Variants in PUS10 observed in about 807,000 individuals in gnomAD.
PUS10 encodes pseudouridine synthase 10, also known as tRNA pseudouridine synthase Pus10.
A neutral mutation model predicts 75.0 loss-of-function variants in PUS10; 59 were observed. The observed-to-expected ratio is 0.79, with a 90% CI of 0.64 to 0.98. The LOEUF (loss-of-function observed/expected upper bound fraction) is 0.98. Among genes scored for constraint, PUS10 ranks in the 50% least tolerant of loss-of-function variants. The pLI, the probability that PUS10 is intolerant of heterozygous loss-of-function variation, is 0.00. For missense variants in PUS10, 650 were observed against 614.4 expected, an observed-to-expected ratio of 1.06 and a Z score of -0.61; for synonymous variants, 219 against 211.6, an observed-to-expected ratio of 1.03 and a Z score of -0.30.
chr2:60,954,209 A>G, intron 12 of PUS10, 51 bp from the exon 13 acceptor site: 1 of 1,575,622 alleles, frequency 6.3e-7, no homozygotes, highest in South Asian at 1.1e-5. Flanking sequence ...TGGAGTTAAC[A>G]TTTGGGCTAA....
At chr2:60,974,771 G>C (rs1021252402) in intron 4 of PUS10, among the ~76,000 whole-genome samples, 3 of 152,258 alleles carry the variant, frequency 2.0e-5, no homozygotes, top group Non-Finnish European at 4.4e-5. Context: ...ACTGCAGCCA[G>C]CGTGCCTGCT....
At chr2:60,970,607 A>C (rs1235664721) in intron 5 of PUS10, among the ~76,000 whole-genome samples, 1 of 152,208 alleles carries the variant, frequency 6.6e-6, no homozygotes, top group Non-Finnish European at 1.5e-5. Flanking sequence ...GTTTTGTTGC[A>C]GAAATATTAA....
At chr2:61,001,370 G>A (rs10194826) in intron 4 of PUS10, among the ~76,000 whole-genome samples, 35,701 of 151,540 alleles carry the variant, frequency 0.24, 4,455 homozygotes, top group Middle Eastern at 0.37. Context: ...TCCCCCTCCC[G>A]GGTTCAAATG....
intron 4 of PUS10, among the ~76,000 whole-genome samples, chr2:60,977,750 G>C (rs1677123209): frequency 6.6e-6 from 1 of 152,096 alleles, no homozygotes; most frequent in Non-Finnish European, 1.5e-5. Flanking sequence ...ATTCCTGATG[G>C]AGGGAAACAA....
At chr2:60,969,946 C>G (rs1676559855) in intron 5 of PUS10, among the ~76,000 whole-genome samples, 1 of 151,970 alleles carries the variant, frequency 6.6e-6, no homozygotes, top group Non-Finnish European at 1.5e-5. Context: ...AAAAAATTAA[C>G]CAGGCATGGT....
intron 11 of PUS10, among the ~76,000 whole-genome samples, chr2:60,956,411 G>C (rs917539966): frequency 6.6e-6 from 1 of 152,176 alleles, no homozygotes; most frequent in East Asian, 1.9e-4. Flanking sequence ...CTGTCTCCCG[G>C]TCAGCCCCGT....
At chr2:60,966,511 CTT>C (rs1256173363) in intron 6 of PUS10, 1 of 152,148 alleles carries the variant, frequency 6.6e-6, no homozygotes, top group African/African-American at 2.4e-5. Context: ...TTCAGGGAAA[CTT>C]CACTCAACCC....
intron 4 of PUS10, among the ~76,000 whole-genome samples, chr2:61,002,898 G>A (rs894531496): frequency 2.0e-5 from 3 of 151,978 alleles, no homozygotes; most frequent in East Asian, 1.9e-4. Context: ...CCTGAATACC[G>A]CCTTTATTTA....
At chr2:61,016,096 T>G (rs1441203877) in intron 1 of PUS10, among the ~76,000 whole-genome samples, 11 of 152,200 alleles carry the variant, frequency 7.2e-5, no homozygotes, top group Admixed American at 7.2e-4. Flanking sequence ...TAGAAGACAA[T>G]GTTTATTTTT....
intron 1 of PUS10, among the ~76,000 whole-genome samples, chr2:61,014,808 T>G (rs549910247): frequency 6.6e-6 from 1 of 152,216 alleles, no homozygotes; most frequent in Non-Finnish European, 1.5e-5. Context: ...AACAGCTTAG[T>G]ATAAAGACGT....
At chr2:61,017,296 GC>G (rs34714370) in intron 1 of PUS10, 4 of 153,868 alleles carry the variant, frequency 2.6e-5, no homozygotes, top group Non-Finnish European at 4.3e-5. Context: ...AAAAGTACCA[GC>G]CCGCTCTCGC....
At chr2:61,014,174 G>C (rs1283933046) in intron 1 of PUS10, among the ~76,000 whole-genome samples, 3 of 152,104 alleles carry the variant, frequency 2.0e-5, no homozygotes, top group East Asian at 1.9e-4. Flanking sequence ...AGGAGTTTGA[G>C]ACCAGCCTGG....
chr2:60,955,244 C>T (rs1218423548), intron 11 of PUS10, among the ~76,000 whole-genome samples, 170 bp from the exon 12 acceptor site: 1 of 152,084 alleles, frequency 6.6e-6, no homozygotes, highest in Admixed American at 6.5e-5. Flanking sequence ...AATAGTAATG[C>T]TAATAGTAAA....
chr2:60,992,774 C>T (rs1195994274), intron 4 of PUS10, among the ~76,000 whole-genome samples: 1 of 152,116 alleles, frequency 6.6e-6, no homozygotes, highest in Non-Finnish European at 1.5e-5. Flanking sequence ...GTTCCCCTCA[C>T]ATTATCTTTA....
Position 61,018,063 on chromosome 2 carries a change from A to G in PUS10, c.-71T>C, listed in dbSNP as rs57007118. The G allele has an allele frequency of 0.012, 18,522 of 1,497,710 alleles. 2,042 individuals carry two copies. The African/African-American group carries it at 0.23, about 19-fold the overall frequency. 92.8% of individuals were successfully genotyped at this position (1,497,710 alleles called of 1,614,324 possible). Reference sequence around the variant, plus strand: ...TCTGACCCGGCAGCTCTAATCAGCAACGTTTTTTTCGGGAGCTCCTGGGCG... The same window carrying G: ...TCTGACCCGGCAGCTCTAATCAGCAGCGTTTTTTTCGGGAGCTCCTGGGCG... On this transcript the variant is annotated 5_prime_UTR_variant, in exon 1 of 18. Transcript: ENST00000316752.
At chr2:60,966,488 C>T (rs537682982) in intron 6 of PUS10, 7 of 152,030 alleles carry the variant, frequency 4.6e-5, no homozygotes, top group Non-Finnish European at 8.8e-5. Flanking sequence ...AAATGAACAA[C>T]GCATTCCTTT....
intron 4 of PUS10, among the ~76,000 whole-genome samples, chr2:60,990,482 T>G (rs560508860): frequency 8.5e-5 from 13 of 152,282 alleles, no homozygotes; most frequent in African/African-American, 2.9e-4. Flanking sequence ...CCCTATGTTT[T>G]GGCTGAAACC....
intron 4 of PUS10, among the ~76,000 whole-genome samples, chr2:60,977,936 G>A (rs1677137764): frequency 6.6e-6 from 1 of 152,166 alleles, no homozygotes; most frequent in Non-Finnish European, 1.5e-5. Flanking sequence ...CTGCCCATGA[G>A]CAAACCCATG....
Position 60,953,121 on chromosome 2 carries a change from A to C in PUS10, c.1191-7T>G, listed in dbSNP as rs772830505. The C allele has an allele frequency of 4.8e-6, 7 of 1,461,664 alleles. No individual in the cohort carries two copies. In the African/African-American group the frequency reaches 7.1e-5, roughly 15 times the overall value. 90.5% of individuals were successfully genotyped at this position (1,461,664 alleles called of 1,614,324 possible). On this transcript the variant is annotated splice_region_variant and splice_polypyrimidine_tract_variant and intron_variant, in intron 14 of 17. Transcript: ENST00000316752. ...CATATGTCCTATTGCCTCTCTAAAC[A>C]AAAACAATTTTTAGAAGTTTGTCCA...
Sources: gnomAD v4.1 joint callset for allele counts (sites outside exome capture counted in the v4.1 genomes callset) on GRCh38, gnomAD v4.1.1 for gene constraint, MANE v1.5 for transcripts, NCBI Gene and HGNC (gene_info 2026-07-23, HGNC 2026-07-21) for gene names.